INPP4B: variants seen among roughly 807,000 people sequenced by gnomAD.
INPP4B encodes the protein inositol polyphosphate-4-phosphatase type II B.
Under a neutral mutation model 122.5 loss-of-function variants are expected in INPP4B, and 55 were observed. The observed-to-expected ratio is 0.45, with a 90% CI of 0.36 to 0.56. INPP4B has a LOEUF of 0.56. INPP4B is among the 20% of genes least tolerant of loss of function. The probability of loss-of-function intolerance (pLI) is 0.00; values close to 1 mark genes in which losing one functional copy is unlikely to be tolerated. For missense variants in INPP4B, 1,000 were observed against 1,097.7 expected, an observed-to-expected ratio of 0.91 and a Z score of 1.26; for synonymous variants, 403 against 388.7, an observed-to-expected ratio of 1.04 and a Z score of -0.43.
intron 2 of INPP4B, among the ~76,000 whole-genome samples, chr4:142,558,054 T>A (rs1295292276): frequency 1.3e-5 from 2 of 152,232 alleles, no homozygotes; most frequent in African/African-American, 4.8e-5. Context: ...GTGCCAACCA[T>A]GGTAATCCTA....
At chr4:142,632,430 T>C (rs1334827337) in intron 2 of INPP4B, among the ~76,000 whole-genome samples, 5 of 151,850 alleles carry the variant, frequency 3.3e-5, no homozygotes, top group African/African-American at 7.3e-5. Context: ...TTACCAAAGA[T>C]TGGGGAGTGT....
intron 23 of INPP4B, among the ~76,000 whole-genome samples, chr4:142,099,895 AAAC>A (rs1469298521): frequency 2.6e-5 from 4 of 152,146 alleles, no homozygotes; most frequent in South Asian, 2.1e-4. Flanking sequence ...TGCAGTGCAA[AAAC>A]AACATTTGAA....
At chr4:142,523,833 G>A (rs1255331200) in intron 2 of INPP4B, among the ~76,000 whole-genome samples, 1 of 123,814 alleles carries the variant, frequency 8.1e-6, no homozygotes, top group Non-Finnish European at 1.6e-5. Context: ...ACAGTCCCCA[G>A]AGTGTGATGT....
intron 24 of INPP4B, among the ~76,000 whole-genome samples, chr4:142,085,891 A>G (rs1776485588): frequency 1.3e-5 from 2 of 152,186 alleles, no homozygotes; most frequent in Admixed American, 6.5e-5. Flanking sequence ...ACTTCCTCAG[A>G]GTGGAGAACA....
intron 7 of INPP4B, chr4:142,384,156 C>T (rs1227551496): frequency 2.9e-6 from 2 of 701,636 alleles, no homozygotes; most frequent in Admixed American, 2.0e-5. Flanking sequence ...TCCAATCTGA[C>T]ATAGCTTCTA....
intron 15 of INPP4B, among the ~76,000 whole-genome samples, chr4:142,190,681 C>T (rs2627825): frequency 0.91 from 137,762 of 152,116 alleles, 62,660 homozygotes; most frequent in East Asian, 0.96. Flanking sequence ...GAACATGTTT[C>T]TACTTTTATC....
At chr4:142,620,864 CAT>C (rs1744755143) in intron 2 of INPP4B, among the ~76,000 whole-genome samples, 1 of 151,834 alleles carries the variant, frequency 6.6e-6, no homozygotes, top group African/African-American at 2.4e-5. Flanking sequence ...TCACTTAAAA[CAT>C]AACCATTCGG....
chr4:142,625,011 C>A (rs527922387), intron 2 of INPP4B, among the ~76,000 whole-genome samples: 403 of 150,372 alleles, frequency 2.7e-3, no homozygotes, highest in African/African-American at 9.3e-3. Flanking sequence ...TATGACAAAC[C>A]CACAGCCAAT....
intron 23 of INPP4B, among the ~76,000 whole-genome samples, chr4:142,092,931 G>A (rs538844605): frequency 3.9e-5 from 6 of 152,264 alleles, no homozygotes; most frequent in East Asian, 1.9e-4. Flanking sequence ...ATTGAAAGAC[G>A]TGGAATGTAT....
At chr4:142,063,650 T>C (rs960662915) in intron 25 of INPP4B, among the ~76,000 whole-genome samples, 2 of 152,128 alleles carry the variant, frequency 1.3e-5, no homozygotes, top group Non-Finnish European at 2.9e-5. Flanking sequence ...TATATACACA[T>C]AAATTTATTT....
chr4:142,509,744 G>A (rs2149858901), intron 2 of INPP4B, among the ~76,000 whole-genome samples: 1 of 152,248 alleles, frequency 6.6e-6, no homozygotes, highest in South Asian at 2.1e-4. Context: ...CTAAAACCAT[G>A]GACCAGTTAT....
chr4:142,620,459 C>T (rs1257774169), intron 2 of INPP4B, among the ~76,000 whole-genome samples: 1 of 151,544 alleles, frequency 6.6e-6, no homozygotes, highest in Non-Finnish European at 1.5e-5. Context: ...ACTTTGAGTA[C>T]ACACACACAC....
intron 25 of INPP4B, among the ~76,000 whole-genome samples, chr4:142,049,082 G>A (rs1398367652): frequency 1.3e-5 from 2 of 151,120 alleles, no homozygotes; most frequent in Non-Finnish European, 3.0e-5. Context: ...CACTCATGAA[G>A]TTTTGGAAGT....
At chr4:142,161,397 A>G (rs1820020323) in intron 16 of INPP4B, among the ~76,000 whole-genome samples, 1 of 152,006 alleles carries the variant, frequency 6.6e-6, no homozygotes, top group African/African-American at 2.4e-5. Flanking sequence ...CATGTGGCCT[A>G]ACGATCTGTT....
At chr4:142,160,196 CA>C (rs35571640) in intron 17 of INPP4B, among the ~76,000 whole-genome samples, 161 bp downstream of exon 17, 5 of 150,784 alleles carry the variant, frequency 3.3e-5, no homozygotes, top group African/African-American at 1.2e-4. Flanking sequence ...TTTCAACTTC[CA>C]AAAAAAAATT....
At position 142,237,845 on chromosome 4, in the gene INPP4B, A is replaced by C. The variant is rs1335892783; in HGVS notation, c.836+19T>G. 1 of 1,426,900 alleles carries C rather than the reference A, an allele frequency of 7.0e-7. No individual in the cohort carries two copies. The highest frequency in any genetic ancestry group is 2.3e-5 in the East Asian group (1 of 43,416). The allele number at this position is 1,426,900 out of a possible 1,614,324, so 88.4% of individuals were successfully genotyped here. Reference sequence around the variant, plus strand: ...GTATAAAATAATTAATATGAGAGAAAATAGTTATTTTCTCTTACCTGCACA... The same window carrying C: ...GTATAAAATAATTAATATGAGAGAACATAGTTATTTTCTCTTACCTGCACA... On this transcript the variant is annotated intron_variant, in intron 12 of 25. Coordinates refer to ENST00000262992, the MANE Select transcript of INPP4B (RefSeq NM_001101669.3).
chr4:142,297,422 G>T (rs1216690673), intron 9 of INPP4B, among the ~76,000 whole-genome samples: 2 of 152,210 alleles, frequency 1.3e-5, no homozygotes, highest in Non-Finnish European at 2.9e-5. Flanking sequence ...GCAGGGCCTG[G>T]TGGGAGGTGT....
intron 7 of INPP4B, among the ~76,000 whole-genome samples, chr4:142,330,191 G>A (rs1225058237): frequency 1.3e-5 from 2 of 152,162 alleles, no homozygotes; most frequent in African/African-American, 4.8e-5. Flanking sequence ...CCCATGAAGA[G>A]CAAATAATGA....
chr4:142,743,416 C>G (rs79300807), intron 1 of INPP4B, among the ~76,000 whole-genome samples: 210 of 152,034 alleles, frequency 1.4e-3, no homozygotes, highest in African/African-American at 4.7e-3. Flanking sequence ...GATATCTGAG[C>G]AGAATTCCCT....
Sources: allele counts gnomAD v4.1 joint callset (sites outside exome capture counted in the v4.1 genomes callset), GRCh38; gene constraint gnomAD v4.1.1; transcripts MANE v1.5; gene names NCBI Gene and HGNC (gene_info 2026-07-23, HGNC 2026-07-21).